The following ARID2 variants were observed in gnomAD, a reference collection of about 807,000 sequenced individuals.
The protein encoded by ARID2 is AT-rich interactive domain-containing protein 2.
In ARID2, 32 loss-of-function variants were observed where a neutral mutation model predicts 184.6. The observed-to-expected ratio is 0.17, with a 90% CI of 0.13 to 0.23. The LOEUF (loss-of-function observed/expected upper bound fraction) is 0.23. Among genes scored for constraint, ARID2 ranks in the 10% least tolerant of loss-of-function variants. ARID2 has a pLI of 1.00. For missense variants in ARID2, 1,696 were observed against 2,197.6 expected (o/e 0.77, Z 4.56); for synonymous variants, 836 against 772.6 (o/e 1.08, Z -1.36).
At position 45,735,524 on chromosome 12, in the gene ARID2, G is replaced by T. The variant is rs377335666; in HGVS notation, c.284+4210G>T. 2.3e-3 allele frequency among the ~76,000 whole-genome samples: 342 copies of T among 150,672 alleles called. 12 individuals are homozygous for T. In the South Asian group the frequency reaches 0.068, roughly 30 times the overall value. On this transcript the variant is annotated intron_variant, in intron 3 of 20. Coordinates refer to ENST00000334344, the MANE Select transcript of ARID2 (RefSeq NM_152641.4). ...ATGCCTGGCTTCAAGGTATCCTCCC[G>T]CCTCAGCCTTCCAAAGTGCTGGGAT... is the stretch of plus-strand genomic sequence containing the variant.
chr12:45,809,141 A>G (rs938327268), intron 3 of ARID2, among the ~76,000 whole-genome samples: 2 of 152,222 alleles, frequency 1.3e-5, no homozygotes, highest in Non-Finnish European at 2.9e-5. Flanking sequence ...CTGTTATTTA[A>G]TGGTCTTCAT....
At chr12:45,894,445 A>G (rs1301796166) in intron 20 of ARID2, among the ~76,000 whole-genome samples, 1 of 151,940 alleles carries the variant, frequency 6.6e-6, no homozygotes, top group East Asian at 1.9e-4. Context: ...ATGTATTTTG[A>G]ATCCATGTTA....
At chr12:45,788,090 G>C (rs1480728933) in intron 3 of ARID2, among the ~76,000 whole-genome samples, 2 of 152,200 alleles carry the variant, frequency 1.3e-5, no homozygotes, top group Non-Finnish European at 2.9e-5. Flanking sequence ...ACCTCACATA[G>C]TTATCATTTT....
chr12:45,761,884 A>G (rs545906004), intron 3 of ARID2, among the ~76,000 whole-genome samples: 1 of 152,200 alleles, frequency 6.6e-6, no homozygotes, highest in South Asian at 2.1e-4. Context: ...TATTTTAACT[A>G]GCGCTTTATT....
intron 14 of ARID2, 102 bp from the exon 15 acceptor site, chr12:45,849,933 AG>A (rs1171383617): frequency 6.9e-7 from 1 of 1,452,756 alleles, no homozygotes; most frequent in Admixed American, 2.5e-5. Context: ...CAAAATTGTT[AG>A]ATGTTAATTT....
Position 45,905,429 on chromosome 12 carries a change from G to A in ARID2, c.*351G>A, listed in dbSNP as rs1038853401. On this transcript the variant is annotated 3_prime_UTR_variant, in exon 21 of 21. Coordinates refer to ENST00000334344, the MANE Select transcript of ARID2 (RefSeq NM_152641.4). The stretch of plus-strand genomic sequence containing the variant: ...ACATGGAATATTGTAAAACCTACAT[G>A]AGCAGATGAAATAGAAGCATTAAAT... 7 of 238,280 alleles carry A rather than the reference G, an allele frequency of 2.9e-5. No homozygotes were observed. Among genetic ancestry groups the A allele is most frequent in the South Asian group, 1.8e-4 (1 of 5,644 alleles). The allele number at this position is 238,280 out of a possible 1,614,324, so 14.8% of individuals were successfully genotyped here. A position where few individuals can be genotyped will look rare whatever the true frequency, so the allele number is the denominator to read the frequency against.
At chr12:45,886,449 T>A (rs997813390) in intron 16 of ARID2, among the ~76,000 whole-genome samples, 2 of 152,196 alleles carry the variant, frequency 1.3e-5, no homozygotes, top group Non-Finnish European at 1.5e-5. Context: ...CAGTGCAAGC[T>A]GTTCATTTAT....
rs77229463 is a variant in ARID2 at position 45,846,615 on chromosome 12, T to C, written c.1499-241T>C. On this transcript the variant is annotated intron_variant, in intron 11 of 20. Transcript: ENST00000334344. Reference sequence around the variant, plus strand: ...ACTAAATCATCCATATTAATTGTTATTATTTTAATGATTGTGAGGTTAAAC... The same window carrying C: ...ACTAAATCATCCATATTAATTGTTACTATTTTAATGATTGTGAGGTTAAAC... Among the ~76,000 whole-genome samples the C allele has an allele frequency of 8.8e-3, 1,334 of 152,256 alleles. 17 individuals carry two copies. Among genetic ancestry groups the C allele is most frequent in the African/African-American group, 0.031 (1,270 of 41,568 alleles).
chr12:45,843,518 C>CACCA (rs1156431424), intron 11 of ARID2, among the ~76,000 whole-genome samples: 1 of 151,938 alleles, frequency 6.6e-6, no homozygotes, highest in Non-Finnish European at 1.5e-5. Context: ...AGGTGGCCAC[C>CACCA]ACCACACCCA....
In ARID2 at chr12:45,837,474, AATAC is replaced by A; in HGVS notation, c.1121-20_1121-17del. On this transcript the variant is annotated intron_variant, in intron 9 of 20. Coordinates refer to ENST00000334344, the MANE Select transcript of ARID2 (RefSeq NM_152641.4). ...AGTAAACAAACTATCATTTCTTAGT[AATAC>A]ATATTTGTATGTTTTTCAGGCATGG... 6.2e-7 allele frequency: 1 copy of A among 1,612,178 alleles called. No individual in the cohort carries two copies.
At chr12:45,763,277 T>C (rs1941713244) in intron 3 of ARID2, among the ~76,000 whole-genome samples, 1 of 152,174 alleles carries the variant, frequency 6.6e-6, no homozygotes, top group Non-Finnish European at 1.5e-5. Flanking sequence ...GAGGCCAGCC[T>C]GGCCAACATA....
rs1254401989 is a variant in ARID2 at position 45,905,591 on chromosome 12, G to C, written c.*513G>C. The C allele has an allele frequency of 1.3e-5, 3 of 232,860 alleles. No homozygotes were observed. The highest frequency in any genetic ancestry group is 5.6e-5 in the Admixed American group (1 of 17,776). The allele number at this position is 232,860 out of a possible 1,614,324, so 14.4% of individuals were successfully genotyped here. ...GGCCACCAATATCTAGCTATGGATC[G>C]TGTGTTTTGTTTAGAAATCAGTAGC... is the stretch of plus-strand genomic sequence containing the variant. On this transcript the variant is annotated 3_prime_UTR_variant, in exon 21 of 21. Transcript: ENST00000334344.
chr12:45,731,449 T>A (rs1191059452), intron 3 of ARID2, 135 bp downstream of exon 3: 1 of 610,988 alleles, frequency 1.6e-6, no homozygotes, highest in Non-Finnish European at 2.9e-6. Context: ...TGAGACACAT[T>A]TAATATAAAT....
intron 16 of ARID2, among the ~76,000 whole-genome samples, chr12:45,884,617 CACTTGA>C (rs1944158074): frequency 1.3e-5 from 2 of 152,082 alleles, no homozygotes; most frequent in African/African-American, 4.8e-5. Context: ...GGGTTAATAG[CACTTGA>C]TGTGGGAAGG....
intron 16 of ARID2, among the ~76,000 whole-genome samples, chr12:45,890,136 GT>G (rs1176221113): frequency 6.6e-6 from 1 of 152,198 alleles, no homozygotes; most frequent in African/African-American, 2.4e-5. Flanking sequence ...GAAGAAAAGA[GT>G]AGTAGATTGG....
intron 3 of ARID2, among the ~76,000 whole-genome samples, chr12:45,791,332 A>T (rs1942286693): frequency 6.6e-6 from 1 of 152,060 alleles, no homozygotes; most frequent in Non-Finnish European, 1.5e-5. Context: ...CTATTATATG[A>T]TTTGTCTTCC....
intron 6 of ARID2, among the ~76,000 whole-genome samples, chr12:45,825,709 A>C (rs1942982800): frequency 6.6e-6 from 1 of 152,084 alleles, no homozygotes; most frequent in Non-Finnish European, 1.5e-5. Context: ...CAAAGAAAAA[A>C]AATAATTAGT....
At chr12:45,838,161 C>A (rs1943254922) in intron 10 of ARID2, among the ~76,000 whole-genome samples, 1 of 152,144 alleles carries the variant, frequency 6.6e-6, no homozygotes, top group African/African-American at 2.4e-5. Flanking sequence ...TACTGTTAAA[C>A]AATTAAAGCT....
intron 16 of ARID2, among the ~76,000 whole-genome samples, chr12:45,867,429 T>C (rs1943847681): frequency 6.6e-6 from 1 of 151,954 alleles, no homozygotes; most frequent in African/African-American, 2.4e-5. Context: ...ATTTTAACTT[T>C]TTTCTAAGCT....
Sources: gnomAD v4.1 joint callset for allele counts (sites outside exome capture counted in the v4.1 genomes callset) on GRCh38, gnomAD v4.1.1 for gene constraint, MANE v1.5 for transcripts, NCBI Gene and HGNC (gene_info 2026-07-23, HGNC 2026-07-21) for gene names.